The following BBS9 variants were observed in gnomAD, a reference collection of about 807,000 sequenced individuals.
BBS9 encodes the protein protein PTHB1.
Under a neutral mutation model 117.7 loss-of-function variants are expected in BBS9, and 89 were observed. That is an observed-to-expected ratio of 0.76 (90% CI 0.64 to 0.90). The LOEUF is 0.90. BBS9 is among the 40% of genes least tolerant of loss of function. The pLI, the probability that BBS9 is intolerant of heterozygous loss-of-function variation, is 0.00. For missense variants in BBS9, 982 were observed against 1,042.2 expected (o/e 0.94, Z 0.80); for synonymous variants, 379 against 370.9 (o/e 1.02, Z -0.25).
intron 19 of BBS9, among the ~76,000 whole-genome samples, chr7:33,431,428 A>G (rs921484338): frequency 3.9e-5 from 6 of 152,042 alleles, no homozygotes; most frequent in Non-Finnish European, 8.8e-5. Flanking sequence ...CTTCCCACCA[A>G]CCCCAAATTC....
chr7:33,390,428 G>T (rs1826864852), intron 19 of BBS9: 60 of 984,734 alleles, frequency 6.1e-5, no homozygotes, highest in Non-Finnish European at 7.2e-5. Flanking sequence ...CAAAACCATG[G>T]CTTTTCACTT....
At chr7:33,465,378 C>A (rs549626781) in intron 19 of BBS9, among the ~76,000 whole-genome samples, 2 of 151,698 alleles carry the variant, frequency 1.3e-5, no homozygotes. Context: ...GGGTGGGGCA[C>A]TGTGAACTGC....
chr7:33,566,069 T>C (rs969241882), intron 21 of BBS9, among the ~76,000 whole-genome samples: 1 of 151,114 alleles, frequency 6.6e-6, no homozygotes, highest in Non-Finnish European at 1.5e-5. Flanking sequence ...TAAGTTTCCT[T>C]CCATTAGACA....
chr7:33,493,807 A>G (rs927586764), intron 19 of BBS9, among the ~76,000 whole-genome samples: 1 of 152,190 alleles, frequency 6.6e-6, no homozygotes, highest in African/African-American at 2.4e-5. Flanking sequence ...GTCTTGCTGG[A>G]ATTCGTGTAC....
intron 9 of BBS9, among the ~76,000 whole-genome samples, chr7:33,330,001 A>G (rs1813684901): frequency 6.6e-6 from 1 of 151,870 alleles, no homozygotes; most frequent in Middle Eastern, 3.4e-3. Flanking sequence ...TACATATTAG[A>G]TTTAACATAT....
intron 21 of BBS9, among the ~76,000 whole-genome samples, chr7:33,598,527 T>C (rs1013297100): frequency 2.6e-5 from 4 of 152,168 alleles, no homozygotes; most frequent in African/African-American, 9.7e-5. Flanking sequence ...TGTATCAATA[T>C]TGGTTCATTA....
intron 20 of BBS9, among the ~76,000 whole-genome samples, chr7:33,518,245 C>CTTTT (rs747829401): frequency 5.0e-4 from 47 of 93,930 alleles, no homozygotes; most frequent in Non-Finnish European, 7.3e-4. Context: ...TGTATATATT[C>CTTTT]TTTTTTTTTT....
chr7:33,282,215 A>G (rs1171582690), intron 9 of BBS9, among the ~76,000 whole-genome samples: 2 of 152,218 alleles, frequency 1.3e-5, no homozygotes, highest in African/African-American at 2.4e-5. Context: ...TTAAAAGTAC[A>G]AAGAAAAATA....
At chr7:33,566,288 T>G (rs1188795322) in intron 21 of BBS9, among the ~76,000 whole-genome samples, 1 of 41,228 alleles carries the variant, frequency 2.4e-5, no homozygotes, top group African/African-American at 6.0e-5. Flanking sequence ...TTTTGCCAAG[T>G]TTGAAAGATA....
intron 21 of BBS9, among the ~76,000 whole-genome samples, chr7:33,574,821 G>T (rs1334275212): frequency 3.5e-5 from 4 of 115,196 alleles, no homozygotes; most frequent in Admixed American, 7.2e-5. Context: ...AGAGTGAGTG[G>T]AAAGACTTTC....
intron 21 of BBS9, among the ~76,000 whole-genome samples, chr7:33,550,142 C>A (rs1329173083): frequency 6.6e-6 from 1 of 152,122 alleles, no homozygotes; most frequent in African/African-American, 2.4e-5. Flanking sequence ...CTAAAACTTA[C>A]AATAAACATA....
rs542259626 is a variant in BBS9 at position 33,600,220 on chromosome 7, A to G, written c.2522-4645A>G. ...GCAAACTTTTTGTTACCTGACATTC[A>G]CAAAGTGTTGAGAAACTTTTGTAGC... On this transcript the variant is annotated intron_variant, in intron 21 of 22. Transcript: ENST00000242067. Among the ~76,000 whole-genome samples, 3 of 152,314 alleles carry G rather than the reference A, an allele frequency of 2.0e-5. No homozygotes were observed. In the East Asian group the frequency reaches 5.8e-4, roughly 29 times the overall value.
chr7:33,596,286 A>G (rs1181860169), intron 21 of BBS9, among the ~76,000 whole-genome samples: 1 of 135,720 alleles, frequency 7.4e-6, no homozygotes, highest in Non-Finnish European at 1.5e-5. Flanking sequence ...ACACACACAC[A>G]CACACACACA....
chr7:33,587,757 T>C (rs1861175344), intron 21 of BBS9, among the ~76,000 whole-genome samples: 1 of 152,130 alleles, frequency 6.6e-6, no homozygotes, highest in Admixed American at 6.6e-5. Context: ...ACTTTCAGGA[T>C]ATTTCACCTT....
At chr7:33,363,618 T>C (rs1403657316) in intron 16 of BBS9, among the ~76,000 whole-genome samples, 1 of 152,160 alleles carries the variant, frequency 6.6e-6, no homozygotes, top group African/African-American at 2.4e-5. Context: ...TAATGTTGAA[T>C]AGAAATGGTG....
chr7:33,304,453 G>A (rs920694809), intron 9 of BBS9, among the ~76,000 whole-genome samples: 2 of 147,926 alleles, frequency 1.4e-5, no homozygotes, highest in South Asian at 2.2e-4. Context: ...GAGTGCCTCT[G>A]CCCGGCCGCA....
At chr7:33,490,659 G>A (rs1288001562) in intron 19 of BBS9, among the ~76,000 whole-genome samples, 1 of 151,886 alleles carries the variant, frequency 6.6e-6, no homozygotes, top group Non-Finnish European at 1.5e-5. Context: ...CACTCCAGTG[G>A]GTGCTCAATT....
At chr7:33,478,194 A>G (rs538989867) in intron 19 of BBS9, among the ~76,000 whole-genome samples, 1 of 152,302 alleles carries the variant, frequency 6.6e-6, no homozygotes, top group African/African-American at 2.4e-5. Context: ...TTGAGGTCAA[A>G]GACTCCAGTG....
intron 18 of BBS9, 76 bp downstream of exon 18, chr7:33,383,914 T>C: frequency 6.9e-7 from 1 of 1,445,808 alleles, no homozygotes; most frequent in Non-Finnish European, 9.5e-7. Flanking sequence ...AGAAGGATTC[T>C]GTATGCATGC....
Sources: gnomAD v4.1 joint callset for allele counts (sites outside exome capture counted in the v4.1 genomes callset) on GRCh38, gnomAD v4.1.1 for gene constraint, MANE v1.5 for transcripts, NCBI Gene and HGNC (gene_info 2026-07-23, HGNC 2026-07-21) for gene names.